Variants in ABCB5 observed in about 807,000 individuals in gnomAD.
The protein encoded by ABCB5 is ATP-binding cassette sub-family B member 5.
A neutral mutation model predicts 144.2 loss-of-function variants in ABCB5; 155 were observed. That is an observed-to-expected ratio of 1.08 (90% CI 0.94 to 1.23). The LOEUF is 1.23. ABCB5 is among the 50% of genes most tolerant of loss of function. ABCB5 has a pLI of 0.00. For missense variants in ABCB5, 1,830 were observed against 1,520.8 expected, an observed-to-expected ratio of 1.20 and a Z score of -3.38; for synonymous variants, 610 against 528.6, an observed-to-expected ratio of 1.15 and a Z score of -2.11.
chr7:20,739,641 G>T (rs1311147107), intron 24 of ABCB5, among the ~76,000 whole-genome samples: 1 of 151,900 alleles, frequency 6.6e-6, no homozygotes, highest in Admixed American at 6.6e-5. Flanking sequence ...TGAAAAAAAA[G>T]ATTGATTCTT....
intron 16 of ABCB5, among the ~76,000 whole-genome samples, chr7:20,689,640 C>A (rs913707499): frequency 1.3e-5 from 2 of 152,102 alleles, no homozygotes; most frequent in African/African-American, 4.8e-5. Context: ...CTGCAGGCAC[C>A]TGCCTCTGAA....
At chr7:20,623,657 A>G (rs1181641835) in intron 2 of ABCB5, among the ~76,000 whole-genome samples, 1 of 152,184 alleles carries the variant, frequency 6.6e-6, no homozygotes, top group Non-Finnish European at 1.5e-5. Flanking sequence ...TTTTAATTTC[A>G]ATTCTCTGTG....
intron 14 of ABCB5, among the ~76,000 whole-genome samples, chr7:20,675,866 A>C (rs933896654): frequency 3.3e-5 from 5 of 152,132 alleles, no homozygotes; most frequent in Non-Finnish European, 7.4e-5. Context: ...CAGGAAGTTG[A>C]AAAGACATTT....
At chr7:20,676,062 G>T (rs6980367) in intron 14 of ABCB5, among the ~76,000 whole-genome samples, 12,559 of 151,744 alleles carry the variant, frequency 0.083, 1,563 homozygotes, top group African/African-American at 0.27. Context: ...CCTTGTATAT[G>T]ACTGATGGAA....
chr7:20,717,724 A>G (rs1781722035), intron 20 of ABCB5, among the ~76,000 whole-genome samples: 1 of 151,720 alleles, frequency 6.6e-6, no homozygotes. Context: ...GGCGCGAGCC[A>G]CCGCACCTGG....
intron 11 of ABCB5, among the ~76,000 whole-genome samples, chr7:20,649,034 TA>T (rs1486136625): frequency 6.6e-6 from 1 of 152,226 alleles, no homozygotes; most frequent in East Asian, 1.9e-4. Context: ...CTTTGGGTTT[TA>T]AACAACTATT....
At chr7:20,706,374 T>C (rs1467236349) in intron 20 of ABCB5, among the ~76,000 whole-genome samples, 1 of 152,204 alleles carries the variant, frequency 6.6e-6, no homozygotes, top group Non-Finnish European at 1.5e-5. Flanking sequence ...AGCAGCTATA[T>C]TAATATGTGA....
At chr7:20,632,695 G>A (rs1376656423) in intron 5 of ABCB5, among the ~76,000 whole-genome samples, 1 of 152,096 alleles carries the variant, frequency 6.6e-6, no homozygotes, top group African/African-American at 2.4e-5. Flanking sequence ...AAAATGATGA[G>A]TTCATGTCCT....
At chr7:20,663,680 C>T (rs1416076200) in intron 14 of ABCB5, among the ~76,000 whole-genome samples, 1 of 147,874 alleles carries the variant, frequency 6.8e-6, no homozygotes, top group Non-Finnish European at 1.5e-5. Context: ...AGTCGCACAA[C>T]AGTGTGATTA....
chr7:20,728,453 C>A lies in ABCB5; in HGVS notation c.2865C>A (p.Phe955Leu). ...GACGAATGACCCCAGAGGGCATGTTCATGTAAGTCGTGGAAATAGTCCGGA... is the reference window on the plus strand; with the variant it reads ...GACGAATGACCCCAGAGGGCATGTTAATGTAAGTCGTGGAAATAGTCCGGA... ...QAGRMTPEGM[F>L]IVFTAIAYGA... Residue 955 changes from phenylalanine (F) to leucine (L), a missense_variant and splice_region_variant, in exon 23 of 28, where the codon TTC becomes TTA. Transcript: ENST00000404938. 6.2e-7 allele frequency: 1 copy of A among 1,613,916 alleles called. No individual in the cohort carries two copies. Among genetic ancestry groups the A allele is most frequent in the Non-Finnish European group, 8.5e-7 (1 of 1,179,894 alleles).
At chr7:20,698,928 CAA>C (rs1786515726) in intron 17 of ABCB5, among the ~76,000 whole-genome samples, 2 of 152,244 alleles carry the variant, frequency 1.3e-5, no homozygotes, top group South Asian at 4.1e-4. Flanking sequence ...GAAGAAATAA[CAA>C]GAGTCTGGGA....
At chr7:20,680,512 GTGAGCCGAGATTGCGCCAC>G (rs2128038555) in intron 14 of ABCB5, among the ~76,000 whole-genome samples, 1 of 151,522 alleles carries the variant, frequency 6.6e-6, no homozygotes. Context: ...GGAGCTTGCA[GTGAGCCGAGATTGCGCCAC>G]TGCACTCCAG....
chr7:20,682,292 C>A (rs1208317022), intron 15 of ABCB5, among the ~76,000 whole-genome samples: 1 of 152,154 alleles, frequency 6.6e-6, no homozygotes, highest in African/African-American at 2.4e-5. Flanking sequence ...AACACACAGT[C>A]TTTACTTAAA....
intron 16 of ABCB5, among the ~76,000 whole-genome samples, chr7:20,690,497 G>A (rs903430078): frequency 6.6e-6 from 1 of 152,132 alleles, no homozygotes; most frequent in Non-Finnish European, 1.5e-5. Context: ...AGGAGTCCAC[G>A]AAATAAAACA....
chr7:20,703,140 TA>T (rs1313027964), intron 19 of ABCB5, among the ~76,000 whole-genome samples: 1 of 152,238 alleles, frequency 6.6e-6, no homozygotes, highest in Non-Finnish European at 1.5e-5. Context: ...ATTCTTTTCA[TA>T]TTTTTTACTT....
chr7:20,750,791 A>G (rs1217967740), intron 26 of ABCB5, among the ~76,000 whole-genome samples: 1 of 152,330 alleles, frequency 6.6e-6, no homozygotes, highest in East Asian at 1.9e-4. Flanking sequence ...AGTCAATTAG[A>G]ACATGCTGAG....
intron 20 of ABCB5, among the ~76,000 whole-genome samples, chr7:20,713,292 G>A (rs1243106590): frequency 6.7e-6 from 1 of 148,442 alleles, no homozygotes; most frequent in Admixed American, 6.7e-5. Context: ...CAAGTGCAGT[G>A]GCATGAACAC....
intron 16 of ABCB5, among the ~76,000 whole-genome samples, chr7:20,692,295 A>G (rs2158857): frequency 0.83 from 126,403 of 151,904 alleles, 52,768 homozygotes; most frequent in East Asian, 0.91. Context: ...CAAACTTCTC[A>G]TCAGAAACAA....
chr7:20,744,905 G>A (rs1486487326), intron 25 of ABCB5, among the ~76,000 whole-genome samples: 3 of 152,160 alleles, frequency 2.0e-5, no homozygotes, highest in Admixed American at 2.0e-4. Context: ...GTTGTTAAGA[G>A]TGTTGTTATT....
Sources: gnomAD v4.1 joint callset for allele counts (sites outside exome capture counted in the v4.1 genomes callset) on GRCh38, gnomAD v4.1.1 for gene constraint, MANE v1.5 for transcripts, NCBI Gene and HGNC (gene_info 2026-07-23, HGNC 2026-07-21) for gene names.